The following PLCB1 variants were observed in gnomAD, a reference collection of about 807,000 sequenced individuals.
The protein encoded by PLCB1 is phospholipase C beta 1, also known as 1-phosphatidylinositol 4,5-bisphosphate phosphodiesterase beta-1.
In PLCB1, 46 loss-of-function variants were observed where a neutral mutation model predicts 161.8. The observed-to-expected ratio is 0.28, with a 90% CI of 0.22 to 0.36. The LOEUF (loss-of-function observed/expected upper bound fraction) is 0.36, where lower values mean the gene tolerates loss of function less well. Ranked by LOEUF, PLCB1 falls within the 10% of genes least tolerant of loss-of-function variation. The pLI, the probability that PLCB1 is intolerant of heterozygous loss-of-function variation, is 1.00. For missense variants in PLCB1, 1,016 were observed against 1,472.5 expected (o/e 0.69, Z 5.07); for synonymous variants, 517 against 503.7 (o/e 1.03, Z -0.35).
intron 2 of PLCB1, among the ~76,000 whole-genome samples, chr20:8,259,836 T>C (rs1210566461): frequency 1.3e-5 from 2 of 152,154 alleles, no homozygotes; most frequent in African/African-American, 4.8e-5. Flanking sequence ...AATACTTGGG[T>C]ATCTCACAGA....
At chr20:8,434,952 G>A (rs528153557) in intron 3 of PLCB1, among the ~76,000 whole-genome samples, 88 of 152,330 alleles carry the variant, frequency 5.8e-4, no homozygotes, top group African/African-American at 2.0e-3. Flanking sequence ...TCTCATGCAC[G>A]TAGACAATCA....
chr20:8,259,314 G>T (rs181703436), intron 2 of PLCB1, among the ~76,000 whole-genome samples: 1 of 152,080 alleles, frequency 6.6e-6, no homozygotes, highest in Admixed American at 6.6e-5. Context: ...GAATCCAAAG[G>T]TGTTACTCTA....
intron 3 of PLCB1, among the ~76,000 whole-genome samples, chr20:8,383,657 G>T (rs1318252588): frequency 2.0e-5 from 3 of 152,110 alleles, no homozygotes; most frequent in Non-Finnish European, 4.4e-5. Flanking sequence ...GTGTGTTTTT[G>T]CAATGGCTGG....
At chr20:8,579,193 C>A (rs542896393) in intron 3 of PLCB1, among the ~76,000 whole-genome samples, 1 of 152,312 alleles carries the variant, frequency 6.6e-6, no homozygotes, top group Non-Finnish European at 1.5e-5. Flanking sequence ...GAGATGTTGG[C>A]AAATGTCACA....
At chr20:8,204,387 A>T (rs1405371274) in intron 2 of PLCB1, among the ~76,000 whole-genome samples, 1 of 152,118 alleles carries the variant, frequency 6.6e-6, no homozygotes, top group Non-Finnish European at 1.5e-5. Context: ...AAGGAGACAG[A>T]ATTGTTTACT....
intron 2 of PLCB1, among the ~76,000 whole-genome samples, chr20:8,316,617 A>G (rs1984666214): frequency 6.6e-6 from 1 of 152,130 alleles, no homozygotes; most frequent in Non-Finnish European, 1.5e-5. Context: ...ATAGTTATTA[A>G]TCCCAGAACT....
intron 3 of PLCB1, among the ~76,000 whole-genome samples, chr20:8,380,489 CA>C (rs2122383768): frequency 6.6e-6 from 1 of 152,228 alleles, no homozygotes; most frequent in East Asian, 1.9e-4. Context: ...TGAAGAATGT[CA>C]ATGGTAGTTT....
At chr20:8,551,501 TC>T (rs1386430360) in intron 3 of PLCB1, among the ~76,000 whole-genome samples, 7 of 152,168 alleles carry the variant, frequency 4.6e-5, no homozygotes, top group Non-Finnish European at 8.8e-5. Flanking sequence ...ACCTTTACCG[TC>T]CTGTGCGCAT....
At chr20:8,470,742 G>A (rs756860124) in intron 3 of PLCB1, among the ~76,000 whole-genome samples, 5 of 151,992 alleles carry the variant, frequency 3.3e-5, no homozygotes, top group Non-Finnish European at 5.9e-5. Context: ...GCCCAGACTG[G>A]TCATTCATTT....
intron 3 of PLCB1, among the ~76,000 whole-genome samples, chr20:8,485,652 T>C (rs1361905945): frequency 2.6e-5 from 4 of 152,224 alleles, no homozygotes; most frequent in Non-Finnish European, 5.9e-5. Context: ...TCTGGTGAAC[T>C]TGGGCATGAA....
chr20:8,498,644 T>G (rs1444499312), intron 3 of PLCB1, among the ~76,000 whole-genome samples: 7 of 152,186 alleles, frequency 4.6e-5, no homozygotes, highest in Admixed American at 4.6e-4. Flanking sequence ...GCCATAATAG[T>G]GACTAACCCA....
chr20:8,158,061 A>G (rs572353606), intron 2 of PLCB1, among the ~76,000 whole-genome samples: 1 of 152,348 alleles, frequency 6.6e-6, no homozygotes, highest in East Asian at 1.9e-4. Context: ...TTTCCATGCT[A>G]TGAAGCTATT....
chr20:8,258,419 T>C (rs903284058), intron 2 of PLCB1, among the ~76,000 whole-genome samples: 8 of 152,194 alleles, frequency 5.3e-5, no homozygotes, highest in Non-Finnish European at 1.2e-4. Flanking sequence ...TCTTAGATAC[T>C]CTTGATTTGG....
At chr20:8,509,774 ATAGATAGATAG>A (rs1274306911) in intron 3 of PLCB1, among the ~76,000 whole-genome samples, 3 of 135,386 alleles carry the variant, frequency 2.2e-5, no homozygotes, top group Non-Finnish European at 4.9e-5. Flanking sequence ...AGATAGATAG[ATAGATAGATAG>A]CATGAAGATG....
In PLCB1 at chr20:8,176,316, A is replaced by T. The variant is rs146452860; in HGVS notation, c.177+25945A>T. Among the ~76,000 whole-genome samples the T allele has an allele frequency of 4.0e-3, 604 of 152,302 alleles. 2 individuals are homozygous for T. Among genetic ancestry groups the T allele is most frequent in the Non-Finnish European group, 6.0e-3 (409 of 68,032 alleles). ...GTGACATATGCTACTCAGCAATAAA[A>T]AGCAATGAACTATTGGTGTACTTAG... On this transcript the variant is annotated intron_variant, in intron 2 of 31. Coordinates refer to ENST00000338037, the MANE Select transcript of PLCB1 (RefSeq NM_015192.4).
intron 31 of PLCB1, among the ~76,000 whole-genome samples, chr20:8,833,165 G>A (rs956344279): frequency 6.6e-6 from 1 of 152,188 alleles, no homozygotes; most frequent in Non-Finnish European, 1.5e-5. Flanking sequence ...TGCCAATAAA[G>A]ACATCCCAGA....
Position 8,508,311 on chromosome 20 carries a change from C to T in PLCB1, c.247-119983C>T, listed in dbSNP as rs191142939. On this transcript the variant is annotated intron_variant, in intron 3 of 31. Transcript: ENST00000338037. ...ACTCAAGCATCAGCATTGCTGCGTC[C>T]ATCCCAGTTTTGTTTTGCTGGGGCT... is the stretch of plus-strand genomic sequence containing the variant. 2.6e-4 allele frequency among the ~76,000 whole-genome samples: 39 copies of T among 152,324 alleles called. No individual in the cohort carries two copies. The East Asian group carries it at 6.9e-3, about 27-fold the overall frequency.
At chr20:8,609,527 A>C (rs1987846131) in intron 3 of PLCB1, among the ~76,000 whole-genome samples, 1 of 152,194 alleles carries the variant, frequency 6.6e-6, no homozygotes, top group Non-Finnish European at 1.5e-5. Flanking sequence ...TGCTATTTTA[A>C]CCATCTTTTT....
chr20:8,581,076 C>T (rs1986818924), intron 3 of PLCB1, among the ~76,000 whole-genome samples: 1 of 152,152 alleles, frequency 6.6e-6, no homozygotes, highest in South Asian at 2.1e-4. Flanking sequence ...CAATAAGGAA[C>T]AATTCATGAG....
Sources: allele counts gnomAD v4.1 joint callset (sites outside exome capture counted in the v4.1 genomes callset), GRCh38; gene constraint gnomAD v4.1.1; transcripts MANE v1.5; gene names NCBI Gene and HGNC (gene_info 2026-07-23, HGNC 2026-07-21).